Variants in CCSER1 observed in about 807,000 individuals in gnomAD.
CCSER1 encodes the protein coiled-coil serine rich protein 1.
CCSER1 carries 41 observed loss-of-function variants against 82.0 expected under a neutral mutation model. The observed-to-expected ratio is 0.50, with a 90% confidence interval of 0.39 to 0.65. CCSER1 has a LOEUF of 0.65. Ranked by LOEUF, CCSER1 falls within the 30% of genes least tolerant of loss-of-function variation. The pLI is 0.00. For synonymous variants in CCSER1, 414 were observed against 383.9 expected (o/e 1.08, Z -0.92); for missense variants, 1,119 against 1,064.2 (o/e 1.05, Z -0.72).
rs896683175 is a variant in CCSER1, at chr4:91,006,285, ATTTT to A, written c.2173-79660_2173-79657del. 4.0e-5 allele frequency among the ~76,000 whole-genome samples: 6 copies of A among 150,668 alleles called. No individual in the cohort carries two copies. The East Asian group carries it at 1.2e-3, about 30-fold the overall frequency. On this transcript the variant is annotated intron_variant, in intron 9 of 10. Coordinates refer to ENST00000509176, the MANE Select transcript of CCSER1 (RefSeq NM_001145065.2). ...TTTTTTTGTAGCTATTATAAATGAG[ATTTT>A]TTTTGTGTGCTATCAGCATATAGAT...
intron 1 of CCSER1, among the ~76,000 whole-genome samples, chr4:90,249,013 T>G (rs945788762): frequency 1.1e-4 from 17 of 152,124 alleles, no homozygotes; most frequent in African/African-American, 4.1e-4. Flanking sequence ...TTTAAAATCT[T>G]AATTATTTTT....
At chr4:91,232,284 G>A (rs1226761497) in intron 10 of CCSER1, among the ~76,000 whole-genome samples, 5 of 151,844 alleles carry the variant, frequency 3.3e-5, no homozygotes, top group African/African-American at 1.2e-4. Flanking sequence ...AATATTCAGT[G>A]TTGTGTTTAT....
At chr4:90,603,274 T>C (rs1157430994) in intron 5 of CCSER1, among the ~76,000 whole-genome samples, 1 of 152,244 alleles carries the variant, frequency 6.6e-6, no homozygotes, top group East Asian at 1.9e-4. Flanking sequence ...CCAGGTAAGC[T>C]GATGCTGCAG....
intron 9 of CCSER1, among the ~76,000 whole-genome samples, chr4:90,932,986 A>AAGAAAGAGAGAGAGAGAG (rs1730249645): frequency 6.9e-5 from 2 of 29,174 alleles, no homozygotes; most frequent in South Asian, 8.5e-4. Flanking sequence ...AAGAAAGAGA[A>AAGAAAGAGAGAGAGAGAG]AGAAAGAAAG....
intron 10 of CCSER1, among the ~76,000 whole-genome samples, chr4:91,322,233 G>T (rs1261632799): frequency 6.6e-6 from 1 of 152,024 alleles, no homozygotes; most frequent in Non-Finnish European, 1.5e-5. Flanking sequence ...TATTCTTTAA[G>T]AATCTCTCCC....
chr4:90,983,067 C>T (rs563080617), intron 9 of CCSER1, among the ~76,000 whole-genome samples: 1 of 151,882 alleles, frequency 6.6e-6, no homozygotes, highest in African/African-American at 2.4e-5. Flanking sequence ...TATGCATATT[C>T]ATTCTACCCT....
intron 3 of CCSER1, among the ~76,000 whole-genome samples, chr4:90,315,629 G>A (rs549443514): frequency 1.8e-4 from 27 of 151,984 alleles, no homozygotes; most frequent in African/African-American, 6.0e-4. Context: ...TCAGCCTCCC[G>A]AGTAGCTGGG....
intron 9 of CCSER1, among the ~76,000 whole-genome samples, chr4:91,047,678 T>C (rs1411126627): frequency 6.6e-6 from 1 of 152,192 alleles, no homozygotes; most frequent in Non-Finnish European, 1.5e-5. Context: ...ATTACTGACA[T>C]TATGGGTGAG....
At chr4:90,904,043 A>G (rs1320742797) in intron 8 of CCSER1, among the ~76,000 whole-genome samples, 1 of 151,904 alleles carries the variant, frequency 6.6e-6, no homozygotes, top group Admixed American at 6.6e-5. Flanking sequence ...TGATTCTAAC[A>G]CCATTTACTG....
chr4:91,058,428 C>T (rs1006244159), intron 9 of CCSER1, among the ~76,000 whole-genome samples: 2 of 152,040 alleles, frequency 1.3e-5, no homozygotes, highest in Non-Finnish European at 2.9e-5. Flanking sequence ...CAACATGTTC[C>T]CTCTTGTAAT....
At chr4:91,462,765 C>A (rs1432522389) in intron 10 of CCSER1, among the ~76,000 whole-genome samples, 2 of 152,142 alleles carry the variant, frequency 1.3e-5, no homozygotes, top group African/African-American at 4.8e-5. Flanking sequence ...TCATTGCTAG[C>A]ACAGCAGTCA....
At position 91,515,255 on chromosome 4, in the gene CCSER1, T is replaced by A. The variant is rs561087053; in HGVS notation, c.2218-83317T>A. Among the ~76,000 whole-genome samples the A allele has an allele frequency of 7.9e-5, 12 of 152,220 alleles. 1 individual carries two copies. The South Asian group carries it at 2.5e-3, about 32-fold the overall frequency. ...GGGTACATGTGCAGGTTTGTTAATA[T>A]AGGTAAAGTCAAGTCATGGGGGATT... On this transcript the variant is annotated intron_variant, in intron 10 of 10. Transcript: ENST00000509176.
intron 4 of CCSER1, among the ~76,000 whole-genome samples, chr4:90,432,684 C>T (rs968330734): frequency 1.3e-5 from 2 of 151,900 alleles, no homozygotes; most frequent in African/African-American, 2.4e-5. Context: ...GAAAATCCCA[C>T]AATCAATCAA....
chr4:91,430,516 A>G (rs1186931653), intron 10 of CCSER1, among the ~76,000 whole-genome samples: 1 of 152,200 alleles, frequency 6.6e-6, no homozygotes, highest in Non-Finnish European at 1.5e-5. Context: ...CTTTGTTAAG[A>G]TTTTATTTGC....
At chr4:91,359,191 T>A (rs1830354) in intron 10 of CCSER1, among the ~76,000 whole-genome samples, 48,770 of 150,342 alleles carry the variant, frequency 0.32, 9,029 homozygotes, top group Middle Eastern at 0.44. Flanking sequence ...GTCAGAGAGA[T>A]ACAGAACAGG....
At chr4:90,986,115 C>T (rs916732437) in intron 9 of CCSER1, among the ~76,000 whole-genome samples, 1 of 151,642 alleles carries the variant, frequency 6.6e-6, no homozygotes, top group African/African-American at 2.4e-5. Flanking sequence ...AAAACTTCAT[C>T]AGTTTGATTT....
At chr4:90,200,667 A>G (rs1037500997) in intron 1 of CCSER1, among the ~76,000 whole-genome samples, 2 of 152,004 alleles carry the variant, frequency 1.3e-5, no homozygotes, top group Non-Finnish European at 2.9e-5. Flanking sequence ...TTGACTTGGC[A>G]AGGGTTTTTG....
chr4:91,568,333 A>G (rs1762995038), intron 10 of CCSER1, among the ~76,000 whole-genome samples: 1 of 151,884 alleles, frequency 6.6e-6, no homozygotes, highest in African/African-American at 2.4e-5. Context: ...CTTGGGGGTA[A>G]TCTTCTTGTG....
At chr4:90,620,042 A>C (rs183918438) in intron 5 of CCSER1, among the ~76,000 whole-genome samples, 15 of 152,286 alleles carry the variant, frequency 9.8e-5, no homozygotes, top group African/African-American at 3.4e-4. Context: ...TTATGCTCAT[A>C]GGATACTTTC....
Sources: gnomAD v4.1 joint callset for allele counts (sites outside exome capture counted in the v4.1 genomes callset) on GRCh38, gnomAD v4.1.1 for gene constraint, MANE v1.5 for transcripts, NCBI Gene and HGNC (gene_info 2026-07-23, HGNC 2026-07-21) for gene names.